Variants in PLPP1 observed in about 807,000 individuals in gnomAD.
PLPP1 encodes the protein lipid phosphate phosphohydrolase 1a.
A neutral mutation model predicts 31.2 loss-of-function variants in PLPP1; 24 were observed. The observed-to-expected ratio is 0.77, with a 90% CI of 0.56 to 1.08. The LOEUF (loss-of-function observed/expected upper bound fraction) is 1.08. PLPP1 is among the 50% of genes least tolerant of loss of function. The probability of loss-of-function intolerance (pLI) is 0.00; values close to 1 mark genes in which losing one functional copy is unlikely to be tolerated. For missense variants in PLPP1, 319 were observed against 342.7 expected (o/e 0.93, Z 0.55); for synonymous variants, 146 against 126.3 (o/e 1.16, Z -1.05).
At chr5:55,513,492 G>C (rs1011278867) in intron 1 of PLPP1, among the ~76,000 whole-genome samples, 1 of 151,706 alleles carries the variant, frequency 6.6e-6, no homozygotes, top group South Asian at 2.1e-4. Flanking sequence ...GGCTGGTCTC[G>C]AACTCCTAAC....
chr5:55,472,748 A>G (rs971006302), intron 2 of PLPP1, among the ~76,000 whole-genome samples: 2 of 4,912 alleles, frequency 4.1e-4, no homozygotes, highest in Non-Finnish European at 1.2e-3. Context: ...AAGAGGAAGA[A>G]GAGGAAGAGG....
chr5:55,502,666 G>A (rs992967836), intron 1 of PLPP1, among the ~76,000 whole-genome samples: 1 of 152,018 alleles, frequency 6.6e-6, no homozygotes, highest in African/African-American at 2.4e-5. Context: ...TCTCATGCTG[G>A]ATAATGCAGA....
intron 4 of PLPP1, among the ~76,000 whole-genome samples, chr5:55,433,809 T>C (rs1365198731): frequency 1.3e-5 from 2 of 151,628 alleles, no homozygotes; most frequent in Non-Finnish European, 2.9e-5. Flanking sequence ...CTCTAGCATT[T>C]CTATACAACA....
chr5:55,432,144 A>C (rs1579917216), intron 4 of PLPP1, among the ~76,000 whole-genome samples: 1 of 139,846 alleles, frequency 7.2e-6, no homozygotes, highest in Non-Finnish European at 1.5e-5. Flanking sequence ...GGGTCTTGCT[A>C]TGTTGCCCAG....
chr5:55,526,024 A>G (rs975253873), intron 1 of PLPP1, among the ~76,000 whole-genome samples: 2 of 152,314 alleles, frequency 1.3e-5, no homozygotes, highest in East Asian at 3.9e-4. Flanking sequence ...ATTACATGTT[A>G]ATCAGTTCAC....
At chr5:55,449,594 A>C (rs1305130254) in intron 3 of PLPP1, among the ~76,000 whole-genome samples, 1 of 152,330 alleles carries the variant, frequency 6.6e-6, no homozygotes, top group South Asian at 2.1e-4. Flanking sequence ...CACATCTTGC[A>C]GTTAAAATGT....
At chr5:55,441,828 G>T in intron 4 of PLPP1, 23 bp downstream of exon 4, 1 of 1,607,020 alleles carries the variant, frequency 6.2e-7, no homozygotes, top group East Asian at 2.2e-5. Flanking sequence ...TAACCTAACC[G>T]TCAACAGACA....
chr5:55,438,915 A>T (rs1194106314), intron 4 of PLPP1, among the ~76,000 whole-genome samples: 3 of 151,698 alleles, frequency 2.0e-5, no homozygotes, highest in East Asian at 1.9e-4. Context: ...AAAAAAAAAA[A>T]GTTGTACATA....
chr5:55,508,325 G>A (rs560093600), intron 1 of PLPP1, among the ~76,000 whole-genome samples: 2 of 152,202 alleles, frequency 1.3e-5, no homozygotes, highest in Admixed American at 1.3e-4. Flanking sequence ...AAGAAAGTGA[G>A]ATAAGACACT....
intron 2 of PLPP1, among the ~76,000 whole-genome samples, chr5:55,472,357 C>CT (rs2111800371): frequency 6.6e-6 from 1 of 152,228 alleles, no homozygotes; most frequent in South Asian, 2.1e-4. Flanking sequence ...AATCCCAGCA[C>CT]TTTGGGAGGC....
At chr5:55,522,691 A>ATTTTG (rs148739898) in intron 1 of PLPP1, among the ~76,000 whole-genome samples, 2,204 of 150,296 alleles carry the variant, frequency 0.015, 26 homozygotes, top group East Asian at 0.032. Flanking sequence ...TAAAATAATC[A>ATTTTG]TTTTGTTTTG....
At chr5:55,506,519 AC>A (rs1309474463) in intron 1 of PLPP1, among the ~76,000 whole-genome samples, 1 of 152,150 alleles carries the variant, frequency 6.6e-6, no homozygotes, top group Non-Finnish European at 1.5e-5. Flanking sequence ...ATAAATCTTA[AC>A]CCTATTAAAT....
At chr5:55,506,133 A>AT (rs1753271302) in intron 1 of PLPP1, among the ~76,000 whole-genome samples, 2 of 152,172 alleles carry the variant, frequency 1.3e-5, no homozygotes, top group African/African-American at 4.8e-5. Flanking sequence ...TAGAACAGAA[A>AT]TTAAGGAAAT....
intron 3 of PLPP1, among the ~76,000 whole-genome samples, chr5:55,448,178 CTG>C (rs1751811424): frequency 6.6e-6 from 1 of 152,098 alleles, no homozygotes; most frequent in Non-Finnish European, 1.5e-5. Context: ...CAATCGATAA[CTG>C]TGCTAAATGA....
chr5:55,445,159 G>A (rs945524371), intron 3 of PLPP1, among the ~76,000 whole-genome samples: 2 of 152,076 alleles, frequency 1.3e-5, no homozygotes, highest in Non-Finnish European at 2.9e-5. Context: ...CCAATATCAT[G>A]GCATTGAGAG....
At chr5:55,425,763 G>T (rs1363378156) in intron 5 of PLPP1, 100 bp downstream of exon 5, 5 of 1,164,300 alleles carry the variant, frequency 4.3e-6, no homozygotes, top group Non-Finnish European at 5.9e-6. Flanking sequence ...CCACTGCATA[G>T]TCTTCTCCTC....
chr5:55,512,843 C>T (rs2111915933), intron 1 of PLPP1, among the ~76,000 whole-genome samples: 1 of 152,218 alleles, frequency 6.6e-6, no homozygotes, highest in Middle Eastern at 3.4e-3. Context: ...GAACATTTCA[C>T]CAAATATTAA....
At chr5:55,434,405 T>C (rs1259356293) in intron 4 of PLPP1, among the ~76,000 whole-genome samples, 1 of 151,922 alleles carries the variant, frequency 6.6e-6, no homozygotes, top group Non-Finnish European at 1.5e-5. Context: ...ACCAATGACA[T>C]TCTGCACAGA....
chr5:55,528,217 G>A (rs1440983786), intron 1 of PLPP1, among the ~76,000 whole-genome samples: 119 of 147,384 alleles, frequency 8.1e-4, no homozygotes, highest in African/African-American at 2.7e-3. Context: ...AGTTGGAAAA[G>A]AAAAAAAAAA....
Sources: gnomAD v4.1 joint callset for allele counts (sites outside exome capture counted in the v4.1 genomes callset) on GRCh38, gnomAD v4.1.1 for gene constraint, MANE v1.5 for transcripts, NCBI Gene and HGNC (gene_info 2026-07-23, HGNC 2026-07-21) for gene names.